The following KIAA1958 variants were observed in gnomAD, a reference collection of about 807,000 sequenced individuals.
The protein encoded by KIAA1958 is uncharacterized protein KIAA1958.
KIAA1958 carries 14 observed loss-of-function variants against 47.2 expected under a neutral mutation model. The ratio of observed to expected loss-of-function variants is 0.30; its 90% CI spans 0.20 to 0.46. The LOEUF is 0.46. Among genes scored for constraint, KIAA1958 ranks in the 20% least tolerant of loss-of-function variants. The pLI is 1.00. For missense variants in KIAA1958, 803 were observed against 909.2 expected (o/e 0.88, Z 1.50); for synonymous variants, 354 against 353.3 (o/e 1.00, Z -0.02).
chr9:112,517,880 A>G (rs1010873040), intron 1 of KIAA1958, among the ~76,000 whole-genome samples: 2 of 152,250 alleles, frequency 1.3e-5, no homozygotes, highest in African/African-American at 2.4e-5. Flanking sequence ...TTACATCTCT[A>G]TTAGAATGGC....
chr9:112,491,796 T>C (rs1402096545), intron 1 of KIAA1958, among the ~76,000 whole-genome samples: 1 of 152,206 alleles, frequency 6.6e-6, no homozygotes, highest in Non-Finnish European at 1.5e-5. Flanking sequence ...TCATTTACTC[T>C]TTGGTTAACT....
chr9:112,578,801 T>C (rs1376610818), intron 2 of KIAA1958, among the ~76,000 whole-genome samples: 1 of 152,154 alleles, frequency 6.6e-6, no homozygotes. Flanking sequence ...CATTAATTTT[T>C]GAGGTTTTAT....
Position 112,659,342 on chromosome 9 carries a change from C to T in KIAA1958, c.1424C>T (p.Ala475Val). Reference sequence around the variant, plus strand: ...AAGAGCGACGGCTCGGACTTCCTGGCCACCTCGCTCCATGCTATTCGCCGA... The same window carrying T: ...AAGAGCGACGGCTCGGACTTCCTGGTCACCTCGCTCCATGCTATTCGCCGA... ...VKKSDGSDFL[A>V]TSLHAIRRGL... Residue 475 changes from alanine to valine, a missense_variant, in exon 4 of 4, where the codon GCC (alanine) becomes GTC (valine). Around this residue, in one of 2 missense-constraint regions of KIAA1958, gnomAD observed 761 missense variants for 829.3 expected, o/e 0.92. Coordinates refer to ENST00000337530, the MANE Select transcript of KIAA1958 (RefSeq NM_133465.4). 6.2e-7 allele frequency: 1 copy of T among 1,614,086 alleles called. No individual in the cohort carries two copies. Among genetic ancestry groups the T allele is most frequent in the Middle Eastern group, 1.6e-4 (1 of 6,062 alleles).
chr9:112,560,695 GGA>G (rs1300303220), intron 1 of KIAA1958, among the ~76,000 whole-genome samples: 7 of 152,218 alleles, frequency 4.6e-5, no homozygotes, highest in African/African-American at 1.7e-4. Flanking sequence ...GCATTTGTTA[GGA>G]GATGGGTAGG....
chr9:112,616,972 C>T (rs930994912), intron 2 of KIAA1958, among the ~76,000 whole-genome samples: 2 of 152,192 alleles, frequency 1.3e-5, no homozygotes, highest in Non-Finnish European at 2.9e-5. Flanking sequence ...ACGTGGTAAT[C>T]TGCATTTTGA....
chr9:112,528,066 A>G (rs1304043035), intron 1 of KIAA1958, among the ~76,000 whole-genome samples: 1 of 152,132 alleles, frequency 6.6e-6, no homozygotes, highest in Non-Finnish European at 1.5e-5. Context: ...TGTTTGATTA[A>G]TAATTCACCT....
chr9:112,558,825 T>A (rs1835284124), intron 1 of KIAA1958, among the ~76,000 whole-genome samples: 1 of 152,182 alleles, frequency 6.6e-6, no homozygotes, highest in African/African-American at 2.4e-5. Context: ...TTCACAGTGA[T>A]AAGAAAGACC....
At chr9:112,562,280 G>A (rs916459847) in intron 1 of KIAA1958, among the ~76,000 whole-genome samples, 2 of 152,114 alleles carry the variant, frequency 1.3e-5, no homozygotes, top group African/African-American at 4.8e-5. Context: ...TAATAACACT[G>A]TGAAGTCAGT....
At chr9:112,556,947 A>G in intron 1 of KIAA1958, among the ~76,000 whole-genome samples, 1 of 151,834 alleles carries the variant, frequency 6.6e-6, no homozygotes, top group Non-Finnish European at 1.5e-5. Flanking sequence ...ATTCATGAGA[A>G]CCCAGTTGCT....
intron 1 of KIAA1958, among the ~76,000 whole-genome samples, chr9:112,571,875 C>A (rs1270629624): frequency 6.9e-6 from 1 of 144,346 alleles, no homozygotes; most frequent in African/African-American, 2.5e-5. Context: ...TCAGAACAAA[C>A]ACACAAACCA....
chr9:112,493,633 C>A (rs1834007979), intron 1 of KIAA1958, among the ~76,000 whole-genome samples: 1 of 152,100 alleles, frequency 6.6e-6, no homozygotes, highest in Non-Finnish European at 1.5e-5. Flanking sequence ...TAAATATATT[C>A]AGTGTGCAAC....
At chr9:112,596,967 C>T (rs1836043103) in intron 2 of KIAA1958, among the ~76,000 whole-genome samples, 1 of 152,124 alleles carries the variant, frequency 6.6e-6, no homozygotes, top group African/African-American at 2.4e-5. Flanking sequence ...GGTTTCTAAT[C>T]AAATGTTTGT....
chr9:112,591,548 AT>A (rs961742466), intron 2 of KIAA1958, among the ~76,000 whole-genome samples: 10 of 151,062 alleles, frequency 6.6e-5, no homozygotes, highest in Non-Finnish European at 1.2e-4. Context: ...TGATAAGTGG[AT>A]TTTTTTTTAA....
intron 1 of KIAA1958, among the ~76,000 whole-genome samples, chr9:112,522,209 G>T (rs912717765): frequency 6.6e-6 from 1 of 152,188 alleles, no homozygotes; most frequent in Non-Finnish European, 1.5e-5. Flanking sequence ...GACCTCAGGT[G>T]ATTCACCCGC....
At chr9:112,633,266 C>T (rs998261269) in intron 2 of KIAA1958, among the ~76,000 whole-genome samples, 3 of 151,000 alleles carry the variant, frequency 2.0e-5, no homozygotes, top group African/African-American at 7.3e-5. Flanking sequence ...CCTTTTCTTA[C>T]ATGTTTACTT....
intron 1 of KIAA1958, among the ~76,000 whole-genome samples, chr9:112,503,616 CAA>C (rs762669967): frequency 8.5e-5 from 9 of 106,398 alleles, no homozygotes; most frequent in Admixed American, 1.1e-4. Context: ...GACCCTGTCT[CAA>C]AAAAAAAAAA....
At chr9:112,557,249 C>T (rs1296742861) in intron 1 of KIAA1958, among the ~76,000 whole-genome samples, 1 of 152,166 alleles carries the variant, frequency 6.6e-6, no homozygotes, top group East Asian at 1.9e-4. Flanking sequence ...AACCACCACA[C>T]CCAGCCCCAT....
At chr9:112,654,034 A>G in intron 3 of KIAA1958, among the ~76,000 whole-genome samples, 1 of 152,154 alleles carries the variant, frequency 6.6e-6, no homozygotes, top group East Asian at 1.9e-4. Context: ...AAGGGGTGGG[A>G]AAATGGATTC....
chr9:112,535,679 G>T (rs139198852), intron 1 of KIAA1958, among the ~76,000 whole-genome samples: 1 of 151,942 alleles, frequency 6.6e-6, no homozygotes, highest in South Asian at 2.1e-4. Context: ...ATACCAATTT[G>T]CATTTTCACT....
Sources: allele counts gnomAD v4.1 joint callset (sites outside exome capture counted in the v4.1 genomes callset), GRCh38; gene constraint gnomAD v4.1.1; regional missense constraint gnomAD v4.1.1; transcripts MANE v1.5; gene names NCBI Gene and HGNC (gene_info 2026-07-23, HGNC 2026-07-21).